Variants in OCA2 observed in about 807,000 individuals in gnomAD.
The protein encoded by OCA2 is P protein.
OCA2 carries 77 observed loss-of-function variants against 100.2 expected under a neutral mutation model. The observed-to-expected ratio is 0.77, with a 90% CI of 0.64 to 0.93. The LOEUF (loss-of-function observed/expected upper bound fraction) is 0.93. Among genes scored for constraint, OCA2 ranks in the 40% least tolerant of loss-of-function variants. OCA2 has a pLI of 0.00. For synonymous variants in OCA2, 432 were observed against 439.2 expected, an observed-to-expected ratio of 0.98 and a Z score of 0.21; for missense variants, 1,062 against 1,089.1, an observed-to-expected ratio of 0.98 and a Z score of 0.35.
intron 15 of OCA2, 21 bp downstream of exon 15, chr15:27,966,669 T>C: frequency 1.2e-6 from 2 of 1,613,150 alleles, no homozygotes; most frequent in Non-Finnish European, 1.7e-6. Flanking sequence ...TGAGCCTACA[T>C]GAGGTTGCAC....
At position 27,761,108 on chromosome 15, in the gene OCA2, T is replaced by C. The variant is rs572725340; in HGVS notation, c.2433-5636A>G. On this transcript the variant is annotated intron_variant, in intron 23 of 23. Coordinates refer to ENST00000354638, the MANE Select transcript of OCA2 (RefSeq NM_000275.3). Reference sequence around the variant, plus strand: ...TCAGTATAATAAGGCAAAAGACACATAGACTAAAATAGATGAAATAAAATT... The same window carrying C: ...TCAGTATAATAAGGCAAAAGACACACAGACTAAAATAGATGAAATAAAATT... Among the ~76,000 whole-genome samples, 102 of 151,556 alleles carry C rather than the reference T, an allele frequency of 6.7e-4. 1 individual carries two copies. The highest frequency in any genetic ancestry group is 2.4e-3 in the African/African-American group (99 of 41,310).
intron 2 of OCA2, among the ~76,000 whole-genome samples, chr15:28,072,101 C>T (rs1161391972): frequency 6.6e-6 from 1 of 152,236 alleles, no homozygotes. Flanking sequence ...GGCACAGTGG[C>T]TCACGCCTGT....
At chr15:28,060,449 G>C (rs2043838643) in intron 2 of OCA2, among the ~76,000 whole-genome samples, 1 of 152,230 alleles carries the variant, frequency 6.6e-6, no homozygotes, top group Non-Finnish European at 1.5e-5. Flanking sequence ...CCCTTGTGGG[G>C]ATAGAAAAGC....
chr15:27,819,406 A>G (rs1362630740), intron 23 of OCA2, among the ~76,000 whole-genome samples: 1 of 152,244 alleles, frequency 6.6e-6, no homozygotes, highest in African/African-American at 2.4e-5. Flanking sequence ...ACAGTAGTCA[A>G]GGTCCCCCAC....
At chr15:27,849,712 G>A (rs2035677377) in intron 22 of OCA2, among the ~76,000 whole-genome samples, 1 of 152,178 alleles carries the variant, frequency 6.6e-6, no homozygotes, top group African/African-American at 2.4e-5. Flanking sequence ...CTGGGCTGGT[G>A]AAAAGAGCTC....
chr15:27,989,431 G>A (rs1394254602), intron 11 of OCA2, among the ~76,000 whole-genome samples, 170 bp downstream of exon 11: 1 of 152,118 alleles, frequency 6.6e-6, no homozygotes, highest in Non-Finnish European at 1.5e-5. Flanking sequence ...ACGAACCATA[G>A]CCCCATTCCA....
rs555723744 is a variant in OCA2, at chr15:27,946,565, C to A, written c.1951+5219G>T. ...ATAAGTTTGTTCTGACCATGAGGCA[C>A]CCCTGGAGTCTCTGTGAATCTGCTG... On this transcript the variant is annotated intron_variant, in intron 18 of 23. Coordinates refer to ENST00000354638, the MANE Select transcript of OCA2 (RefSeq NM_000275.3). Among the ~76,000 whole-genome samples, 30 of 152,354 alleles carry A rather than the reference C, an allele frequency of 2.0e-4. No homozygotes were observed. The South Asian group carries it at 5.6e-3, about 28-fold the overall frequency.
In OCA2 at chr15:28,050,384, C is replaced by G. The variant is rs562249219; in HGVS notation, c.228-18221G>C. On this transcript the variant is annotated intron_variant, in intron 2 of 23. Coordinates refer to ENST00000354638, the MANE Select transcript of OCA2 (RefSeq NM_000275.3). ...CCAGCCTGGCCAACATGGTGAAACC[C>G]CGTCTCTACTAAAAACGCAAAAATT... 2.6e-5 allele frequency among the ~76,000 whole-genome samples: 4 copies of G among 152,086 alleles called. 1 individual carries two copies. In the East Asian group the frequency reaches 7.8e-4, roughly 30 times the overall value.
chr15:28,077,111 G>A (rs933509076), intron 2 of OCA2, among the ~76,000 whole-genome samples: 15 of 151,544 alleles, frequency 9.9e-5, no homozygotes, highest in South Asian at 4.2e-4. Flanking sequence ...CCAGGCTGCG[G>A]TGCAATGGTG....
intron 21 of OCA2, among the ~76,000 whole-genome samples, chr15:27,864,794 G>C (rs2036259655): frequency 1.3e-5 from 2 of 152,098 alleles, no homozygotes. Context: ...ACATGAGGTT[G>C]AAAAGTTAAG....
chr15:27,911,286 G>C (rs1595626238), intron 19 of OCA2, among the ~76,000 whole-genome samples: 2 of 151,982 alleles, frequency 1.3e-5, no homozygotes, highest in South Asian at 4.2e-4. Flanking sequence ...CAGGTGTGGT[G>C]GTATAAGCCT....
intron 23 of OCA2, among the ~76,000 whole-genome samples, chr15:27,802,498 A>T (rs935888907): frequency 3.3e-5 from 5 of 152,158 alleles, no homozygotes; most frequent in African/African-American, 1.2e-4. Context: ...TAGCCAAAAC[A>T]ACACCAAAAA....
intron 23 of OCA2, among the ~76,000 whole-genome samples, chr15:27,834,971 G>A (rs1163675693): frequency 6.6e-6 from 1 of 152,198 alleles, no homozygotes; most frequent in Non-Finnish European, 1.5e-5. Context: ...AAGGAGGCCT[G>A]GCTCTTGATA....
At chr15:28,068,935 T>A (rs998984500) in intron 2 of OCA2, among the ~76,000 whole-genome samples, 1 of 152,118 alleles carries the variant, frequency 6.6e-6, no homozygotes, top group Admixed American at 6.5e-5. Flanking sequence ...ACTGAAGGAA[T>A]GTACCTCATA....
At chr15:27,909,148 A>G (rs1338414198) in intron 19 of OCA2, among the ~76,000 whole-genome samples, 1 of 152,238 alleles carries the variant, frequency 6.6e-6, no homozygotes. Flanking sequence ...AGAAAACCAC[A>G]TGCATAATAT....
intron 18 of OCA2, among the ~76,000 whole-genome samples, chr15:27,931,763 T>C (rs1270622556): frequency 6.6e-6 from 1 of 152,378 alleles, no homozygotes. Flanking sequence ...TGACAGTTAT[T>C]GAATACGATG....
At chr15:28,076,853 C>CAA (rs575299612) in intron 2 of OCA2, among the ~76,000 whole-genome samples, 3,334 of 59,558 alleles carry the variant, frequency 0.056, 316 homozygotes, top group African/African-American at 0.13. Flanking sequence ...GACTCCGTCT[C>CAA]AAAAAAAAAA....
At chr15:27,851,803 G>C (rs1177848294) in intron 21 of OCA2, among the ~76,000 whole-genome samples, 3 of 152,078 alleles carry the variant, frequency 2.0e-5, no homozygotes, top group African/African-American at 7.2e-5. Context: ...TAGAACCCTG[G>C]AGTGCTGTGC....
At chr15:27,946,065 T>C (rs2039822212) in intron 18 of OCA2, among the ~76,000 whole-genome samples, 1 of 152,204 alleles carries the variant, frequency 6.6e-6, no homozygotes. Flanking sequence ...TAAATATTCA[T>C]GTTTCACTGC....
Sources: allele counts gnomAD v4.1 joint callset (sites outside exome capture counted in the v4.1 genomes callset), GRCh38; gene constraint gnomAD v4.1.1; transcripts MANE v1.5; gene names NCBI Gene and HGNC (gene_info 2026-07-23, HGNC 2026-07-21).